The following GMDS variants were observed in gnomAD, a reference collection of about 807,000 sequenced individuals.
GMDS encodes GDP-mannose 4,6-dehydratase.
GMDS carries 20 observed loss-of-function variants against 49.9 expected under a neutral mutation model. That is an observed-to-expected ratio of 0.40 (90% CI 0.28 to 0.58). The LOEUF (loss-of-function observed/expected upper bound fraction) is 0.58, where lower values mean the gene tolerates loss of function less well. Ranked by LOEUF, GMDS falls within the 20% of genes least tolerant of loss-of-function variation. GMDS has a pLI of 0.42. For missense variants in GMDS, 362 were observed against 481.4 expected, an observed-to-expected ratio of 0.75 and a Z score of 2.32; for synonymous variants, 177 against 178.6, an observed-to-expected ratio of 0.99 and a Z score of 0.07.
chr6:1,968,108 C>A (rs1462572043), intron 4 of GMDS, among the ~76,000 whole-genome samples: 1 of 152,168 alleles, frequency 6.6e-6, no homozygotes, highest in African/African-American at 2.4e-5. Flanking sequence ...TTTACCCCTC[C>A]AAACTCATTA....
chr6:1,704,023 C>G (rs1424451119), intron 9 of GMDS, among the ~76,000 whole-genome samples: 3 of 152,136 alleles, frequency 2.0e-5, no homozygotes, highest in Admixed American at 6.5e-5. Context: ...CATTCATCAC[C>G]CTATTCATCA....
At chr6:1,974,504 C>T (rs1290987842) in intron 4 of GMDS, among the ~76,000 whole-genome samples, 1 of 152,106 alleles carries the variant, frequency 6.6e-6, no homozygotes, top group East Asian at 1.9e-4. Context: ...AACAGCCACA[C>T]GTTTTCTCTC....
intron 7 of GMDS, among the ~76,000 whole-genome samples, chr6:1,849,343 T>C (rs768005683): frequency 9.2e-5 from 14 of 152,312 alleles, no homozygotes; most frequent in Non-Finnish European, 1.6e-4. Context: ...ATGACCACCA[T>C]ACGCATGCTG....
At chr6:2,137,436 T>C (rs578108982) in intron 1 of GMDS, among the ~76,000 whole-genome samples, 1 of 151,144 alleles carries the variant, frequency 6.6e-6, no homozygotes, top group African/African-American at 2.4e-5. Flanking sequence ...CCGGTTCAAG[T>C]GATTCTCCTG....
chr6:2,097,686 G>A (rs896733902), intron 4 of GMDS, among the ~76,000 whole-genome samples: 4 of 151,840 alleles, frequency 2.6e-5, no homozygotes, highest in African/African-American at 7.3e-5. Context: ...GCCACGGGAA[G>A]AAGAGCTTTA....
chr6:2,129,818 G>A (rs935437845), intron 1 of GMDS, among the ~76,000 whole-genome samples: 5 of 152,144 alleles, frequency 3.3e-5, no homozygotes, highest in South Asian at 2.1e-4. Context: ...TGAAGAATAC[G>A]GAGACAGAAT....
At chr6:1,705,410 T>C (rs1454083085) in intron 9 of GMDS, among the ~76,000 whole-genome samples, 2 of 152,192 alleles carry the variant, frequency 1.3e-5, no homozygotes, top group Admixed American at 1.3e-4. Flanking sequence ...GTACTCTCGA[T>C]AGGCAGGTGG....
intron 7 of GMDS, among the ~76,000 whole-genome samples, chr6:1,780,935 C>T (rs1389963434): frequency 6.6e-6 from 1 of 152,180 alleles, no homozygotes; most frequent in Non-Finnish European, 1.5e-5. Context: ...TTCTCCTTTT[C>T]CTTTCACATC....
In GMDS at chr6:1,640,429, C is replaced by T. The variant is rs1035309763; in HGVS notation, c.988-15889G>A. ...ACCTGTCACGGGGTAAGGCCTTCCA[C>T]GTATGCTCGCTCTCCTCCTGCCTCA... On this transcript the variant is annotated intron_variant, in intron 9 of 10. Coordinates refer to ENST00000380815, the MANE Select transcript of GMDS (RefSeq NM_001500.4). The surrounding 1 kb of genome is among the most constrained non-coding windows in gnomAD (Gnocchi z 4.0). 2.0e-5 allele frequency among the ~76,000 whole-genome samples: 3 copies of T among 152,146 alleles called. No individual in the cohort carries two copies. The highest frequency in any genetic ancestry group is 1.9e-4 in the East Asian group (1 of 5,192).
intron 1 of GMDS, among the ~76,000 whole-genome samples, chr6:2,242,867 T>C (rs1212730531): frequency 6.6e-6 from 1 of 152,050 alleles, no homozygotes; most frequent in East Asian, 1.9e-4. Context: ...GCCAATATTA[T>C]TAAGAAAACA....
intron 4 of GMDS, among the ~76,000 whole-genome samples, chr6:1,992,700 T>G (rs147291230): frequency 1.3e-5 from 2 of 152,316 alleles, no homozygotes; most frequent in East Asian, 3.9e-4. Flanking sequence ...TAAAAGAATA[T>G]ATAACTTGCT....
chr6:1,780,708 T>C (rs970698973), intron 7 of GMDS, among the ~76,000 whole-genome samples: 23 of 152,344 alleles, frequency 1.5e-4, no homozygotes, highest in Admixed American at 7.2e-4. Context: ...AACGGCTCAC[T>C]GCCACCTCCC....
At chr6:2,035,054 G>A (rs1769213027) in intron 4 of GMDS, among the ~76,000 whole-genome samples, 1 of 152,222 alleles carries the variant, frequency 6.6e-6, no homozygotes. Context: ...AAGAAAAAAT[G>A]ATTTAAGCTG....
chr6:2,059,974 G>A (rs993147944), intron 4 of GMDS, among the ~76,000 whole-genome samples: 14 of 151,622 alleles, frequency 9.2e-5, no homozygotes, highest in Admixed American at 2.6e-4. Context: ...CTTTATTAAC[G>A]AAATGACAAC....
intron 1 of GMDS, among the ~76,000 whole-genome samples, chr6:2,127,579 T>G (rs1475278720): frequency 6.6e-6 from 1 of 152,186 alleles, no homozygotes; most frequent in Non-Finnish European, 1.5e-5. Context: ...ACTGGAACAT[T>G]CTGAACCAGT....
chr6:1,802,777 T>C (rs1320786203), intron 7 of GMDS, among the ~76,000 whole-genome samples: 2 of 152,264 alleles, frequency 1.3e-5, no homozygotes, highest in Non-Finnish European at 2.9e-5. Context: ...TTCCTGATAC[T>C]GTCTGAATTT....
intron 1 of GMDS, among the ~76,000 whole-genome samples, chr6:2,198,916 A>C (rs1215289045): frequency 6.9e-6 from 1 of 145,690 alleles, no homozygotes; most frequent in Non-Finnish European, 1.5e-5. Flanking sequence ...CAGACCATTC[A>C]TAAAGTCAAT....
chr6:2,185,297 C>T (rs1161567506), intron 1 of GMDS, among the ~76,000 whole-genome samples: 4 of 152,142 alleles, frequency 2.6e-5, no homozygotes, highest in Non-Finnish European at 4.4e-5. Flanking sequence ...CTGTGGTCAC[C>T]GCCAGCTGCA....
At chr6:1,821,381 G>A (rs554677326) in intron 7 of GMDS, among the ~76,000 whole-genome samples, 19 of 151,898 alleles carry the variant, frequency 1.3e-4, no homozygotes, top group African/African-American at 4.1e-4. Context: ...GGGTGGGGAC[G>A]GGGGGCAGCT....
Sources: gnomAD v4.1 joint callset for allele counts (sites outside exome capture counted in the v4.1 genomes callset) on GRCh38, gnomAD v4.1.1 for gene constraint, Gnocchi (gnomAD v3.1) non-coding constraint, MANE v1.5 for transcripts, NCBI Gene and HGNC (gene_info 2026-07-23, HGNC 2026-07-21) for gene names.